Variants in STYXL2 observed in about 807,000 individuals in gnomAD.
STYXL2 encodes the protein serine/threonine/tyrosine interacting like 2, also known as serine/threonine/tyrosine-interacting-like protein 2.
A neutral mutation model predicts 52.4 loss-of-function variants in STYXL2; 44 were observed. That is an observed-to-expected ratio of 0.84 (90% CI 0.66 to 1.08). STYXL2 has a LOEUF of 1.08. STYXL2 is among the 50% of genes least tolerant of loss of function. The probability of loss-of-function intolerance (pLI) is 0.00; values close to 1 mark genes in which losing one functional copy is unlikely to be tolerated. For missense variants in STYXL2, 1,604 were observed against 1,471.7 expected, an observed-to-expected ratio of 1.09 and a Z score of -1.47; for synonymous variants, 604 against 586.9, an observed-to-expected ratio of 1.03 and a Z score of -0.42.
Position 167,098,703 on chromosome 1 carries a change from G to C in STYXL2, c.110+3744G>C, listed in dbSNP as rs571098025. Among the ~76,000 whole-genome samples, 8 of 152,314 alleles carry C rather than the reference G, an allele frequency of 5.3e-5. No homozygotes were observed. The South Asian group carries it at 1.7e-3, about 32-fold the overall frequency. ...TGAAGACTGGAGATGCCTTAAGGCT[G>C]AGGGTGACTCACAGAGGCATCTTCA... On this transcript the variant is annotated intron_variant, in intron 2 of 5. Transcript: ENST00000361200.
intron 2 of STYXL2, among the ~76,000 whole-genome samples, chr1:167,097,120 G>A (rs527511488): frequency 1.8e-4 from 28 of 152,270 alleles, no homozygotes; most frequent in African/African-American, 6.0e-4. Context: ...CTTGTCTATT[G>A]TTCTCTTTGA....
At chr1:167,105,426 T>A (rs986071840) in intron 2 of STYXL2, among the ~76,000 whole-genome samples, 1 of 152,214 alleles carries the variant, frequency 6.6e-6, no homozygotes, top group Admixed American at 6.5e-5. Flanking sequence ...GTCCTTTTTT[T>A]CCCTGCCTGT....
At position 167,126,484 on chromosome 1, in the gene STYXL2, G is replaced by C; in HGVS notation, c.1353G>C (p.Leu451=). 1 of 1,606,566 alleles carries C rather than the reference G, an allele frequency of 6.2e-7. No homozygotes were observed. The highest frequency in any genetic ancestry group is 2.2e-5 in the East Asian group (1 of 44,606). ...TGAGCAGCCACGACATCTGGGTCCT[G>C]AAGCAGCAGCTGGAGCTGAACCGCC... The part of the protein sequence containing the change: ...ESVSSHDIWV[L]KQQLELNRPD... Residue 451 remains leucine (L), a synonymous_variant, in exon 6 of 6, where the codon CTG becomes CTC. Transcript: ENST00000361200.
Position 167,117,465 on chromosome 1 carries a change from G to A in STYXL2, c.343G>A (p.Val115Ile). Residue 115 changes from valine (V) to isoleucine (I), a missense_variant, in exon 4 of 6, where the codon GTC becomes ATC. Transcript: ENST00000361200. The part of the protein sequence containing the change: ...DDTSLYNTPC[V>I]LDLQRALVQD... ...CACCAGCCTCTATAATACGCCCTGT[G>A]TCCTGGACCTACAGCGGGCCCTGGT... 6.2e-7 allele frequency: 1 copy of A among 1,612,724 alleles called. No homozygotes were observed. The highest frequency in any genetic ancestry group is 8.5e-7 in the Non-Finnish European group (1 of 1,179,458).
rs763985272 is a variant in STYXL2, at chr1:167,128,229, G to T, written c.3098G>T (p.Arg1033Leu). The T allele has an allele frequency of 3.1e-6, 5 of 1,614,182 alleles. No homozygotes were observed. The highest frequency in any genetic ancestry group is 4.2e-6 in the Non-Finnish European group (5 of 1,180,032). Reference protein sequence around the residue: ...RSTYNETSSSREESPEPYFFR... With the variant: ...RSTYNETSSSLEESPEPYFFR... The stretch of plus-strand genomic sequence containing the variant: ...ACGTACAACGAGACCTCAAGTTCCC[G>T]AGAGGAGAGCCCAGAGCCCTACTTC... The change falls in exon 6 of 6, where the codon CGA becomes CTA. Residue 1033 changes from arginine to leucine, a missense_variant. By Grantham distance (102) the Arg-to-Leu change is moderately radical. Transcript: ENST00000361200.
chr1:167,109,586 C>CCAGGCATG (rs1558020536), intron 2 of STYXL2, among the ~76,000 whole-genome samples: 1 of 152,162 alleles, frequency 6.6e-6, no homozygotes, highest in Non-Finnish European at 1.5e-5. Flanking sequence ...TGGTCTTTCT[C>CCAGGCATG]TACATGCCCT....
rs1373616746 is a variant in STYXL2, at chr1:167,126,245, T to C, written c.1114T>C (p.Trp372Arg). The change falls in exon 6 of 6, where the codon TGG (tryptophan) becomes CGG (arginine). Residue 372 changes from tryptophan to arginine, a missense_variant. Physicochemically the swap from Trp to Arg is moderately radical, Grantham distance 101. Coordinates refer to ENST00000361200, the MANE Select transcript of STYXL2 (RefSeq NM_001080426.3). The stretch of plus-strand genomic sequence containing the variant: ...CAAGGTCCCCCAGGATGGAGGTGGC[T>C]GGCGCTCAGCCTCCTCTGGCCAGGG... The part of the protein sequence containing the change: ...SDKVPQDGGG[W>R]RSASSGQGGE... The C allele has an allele frequency of 6.5e-7, 1 of 1,544,954 alleles. No homozygotes were observed. The highest frequency in any genetic ancestry group is 2.3e-5 in the East Asian group (1 of 43,728).
In STYXL2 at chr1:167,117,178, C is replaced by T; in HGVS notation, c.206-150C>T. The stretch of plus-strand genomic sequence containing the variant: ...GCCAGTGCAGCAGGTACCCTGGGCC[C>T]AATTAAAGTCCTTCCTGGGAGATCC... On this transcript the variant is annotated intron_variant, in intron 3 of 5. Coordinates refer to ENST00000361200, the MANE Select transcript of STYXL2 (RefSeq NM_001080426.3). 5.8e-6 allele frequency: 4 copies of T among 684,004 alleles called. No individual in the cohort carries two copies. In the South Asian group the frequency reaches 7.4e-5, roughly 13 times the overall value. 42.4% of individuals were successfully genotyped at this position (684,004 alleles called of 1,614,324 possible).
chr1:167,119,462 C>G lies in STYXL2; in HGVS notation c.651C>G (p.Tyr217Ter). The stretch of plus-strand genomic sequence containing the variant: ...TCCTGGATGAGGCGCTGCTGACTTA[C>G]AGAGGTGAGAGGGATCTGCCGCTCC... ...SEFLDEALLT[Y>*]RGKVLVSSEM... The change falls in exon 5 of 6, where the codon TAC becomes TAG. Residue 217 changes from tyrosine (Y) to a stop codon, truncating the protein, a stop_gained. Transcript: ENST00000361200. LOFTEE classifies it low-confidence loss of function (END_TRUNC). 2 of 1,613,868 alleles carry G rather than the reference C, an allele frequency of 1.2e-6. No individual in the cohort carries two copies. The highest frequency in any genetic ancestry group is 8.5e-7 in the Non-Finnish European group (1 of 1,179,908).
In STYXL2 at chr1:167,094,832, A is replaced by G. The variant is rs1323617737; in HGVS notation, c.-16-2A>G. On this transcript the variant is annotated splice_acceptor_variant, in intron 1 of 5. Transcript: ENST00000361200. LOFTEE classifies it low-confidence loss of function (5UTR_SPLICE). ...ACTGCCTTTTTCTTGCCAAACTTTC[A>G]GAGGTTGGCAGGTTGTCATGGCGAC... 1.9e-6 allele frequency: 3 copies of G among 1,603,768 alleles called. No homozygotes were observed. In the Admixed American group the frequency reaches 5.1e-5, roughly 27 times the overall value.
chr1:167,120,255 G>C (rs961066888), intron 5 of STYXL2, among the ~76,000 whole-genome samples: 1 of 152,220 alleles, frequency 6.6e-6, no homozygotes, highest in Admixed American at 6.5e-5. Context: ...GTGGAGCCCA[G>C]GCAATGGGGC....
At position 167,126,752 on chromosome 1, in the gene STYXL2, C is replaced by A. The variant is rs778221758; in HGVS notation, c.1621C>A (p.Leu541Ile). The change falls in exon 6 of 6, where the codon CTC (leucine) becomes ATC (isoleucine). Residue 541 changes from leucine to isoleucine, a missense_variant. By Grantham distance (5) the Leu-to-Ile change is conservative (BLOSUM62 2). Transcript: ENST00000361200. ...CTTCTGCAGCAGGAACAAGGACAAG[C>A]TCACTGCCCTGGAAAGATGGAAGAT... The part of the protein sequence containing the change: ...YNFCSRNKDK[L>I]TALERWKIKR... The A allele has an allele frequency of 5.6e-6, 9 of 1,614,060 alleles. No homozygotes were observed. The South Asian group carries it at 8.8e-5, about 16-fold the overall frequency.
intron 3 of STYXL2, among the ~76,000 whole-genome samples, chr1:167,116,549 A>G (rs1026125381): frequency 8.6e-5 from 13 of 150,974 alleles, no homozygotes; most frequent in Non-Finnish European, 1.9e-4. Context: ...TCCCAGGGTT[A>G]TTTGCAATCC....
Position 167,127,202 on chromosome 1 carries a change from G to T in STYXL2, c.2071G>T (p.Ala691Ser). ...GAGCCACCGCTCCCACCTGTCTCAG[G>T]CTGCAAGCAACATAGCGGGGTGTTC... ...TQSHRSHLSQ[A>S]ASNIAGCSTS... is the part of the protein sequence containing the mutation. Residue 691 changes from alanine to serine, a missense_variant, in exon 6 of 6, where the codon GCT becomes TCT. Physicochemically the swap from Ala to Ser is moderately conservative, Grantham distance 99. Transcript: ENST00000361200. 1.2e-6 allele frequency: 2 copies of T among 1,614,106 alleles called. No individual in the cohort carries two copies. The highest frequency in any genetic ancestry group is 1.7e-6 in the Non-Finnish European group (2 of 1,179,982).
At chr1:167,125,653 A>G (rs200847448) in intron 5 of STYXL2, 134 bp from the exon 6 acceptor site, 17 of 672,882 alleles carry the variant, frequency 2.5e-5, no homozygotes, top group African/African-American at 3.7e-5. Flanking sequence ...TTGAGCCCGG[A>G]TGAACTTCAG....
chr1:167,105,080 C>T (rs1667482339), intron 2 of STYXL2, among the ~76,000 whole-genome samples: 1 of 152,172 alleles, frequency 6.6e-6, no homozygotes, highest in African/African-American at 2.4e-5. Flanking sequence ...GTGCTATTCC[C>T]TTTCTTTCCC....
At chr1:167,107,060 G>A (rs1302624096) in intron 2 of STYXL2, among the ~76,000 whole-genome samples, 1 of 152,178 alleles carries the variant, frequency 6.6e-6, no homozygotes, top group Non-Finnish European at 1.5e-5. Flanking sequence ...AGCTGGAGTG[G>A]CCTGATGGGC....
intron 2 of STYXL2, among the ~76,000 whole-genome samples, chr1:167,105,195 T>C (rs1050710018): frequency 3.3e-5 from 5 of 151,880 alleles, no homozygotes; most frequent in Admixed American, 3.3e-4. Flanking sequence ...TTTTCCTTTC[T>C]GTCCCAGATG....
intron 2 of STYXL2, among the ~76,000 whole-genome samples, chr1:167,111,648 G>A (rs1667626025): frequency 6.6e-6 from 1 of 151,672 alleles, no homozygotes; most frequent in African/African-American, 2.4e-5. Flanking sequence ...CTCAGGAATG[G>A]AAAACCAAAC....
Sources: gnomAD v4.1 joint callset for allele counts (sites outside exome capture counted in the v4.1 genomes callset) on GRCh38, gnomAD v4.1.1 for gene constraint, MANE v1.5 for transcripts, NCBI Gene and HGNC (gene_info 2026-07-23, HGNC 2026-07-21) for gene names.